FOXQ1: variants seen among roughly 807,000 people sequenced by gnomAD.
The protein encoded by FOXQ1 is forkhead box protein Q1.
A neutral mutation model predicts 0.6 loss-of-function variants in FOXQ1; 1 was observed. The ratio of observed to expected loss-of-function variants is 1.73; its 90% CI spans 0.61 to 8.20. The LOEUF (loss-of-function observed/expected upper bound fraction) is 8.20. Among genes scored for constraint, FOXQ1 ranks in the 30% most tolerant of loss-of-function variants. FOXQ1 has a pLI of 0.13. For synonymous variants in FOXQ1, 377 were observed against 294.4 expected, an observed-to-expected ratio of 1.28 and a Z score of -2.87; for missense variants, 734 against 595.6, an observed-to-expected ratio of 1.23 and a Z score of -2.42.
At position 1,312,992 on chromosome 6, in the gene FOXQ1, G is replaced by A; in HGVS notation, c.288G>A (p.Ala96=). 1 of 1,313,434 alleles carries A rather than the reference G, an allele frequency of 7.6e-7. No homozygotes were observed. Among genetic ancestry groups the A allele is most frequent in the African/African-American group, 1.5e-5 (1 of 65,272 alleles). The allele number at this position is 1,313,434 out of a possible 1,614,324, so 81.4% of individuals were successfully genotyped here. A position where few individuals can be genotyped will look rare whatever the true frequency, so the allele number is the denominator to read the frequency against. The change falls in exon 1 of 1, where the codon GCG becomes GCA. Residue 96 remains alanine (A), a synonymous_variant. Coordinates refer to ENST00000296839, the MANE Select transcript of FOXQ1 (RefSeq NM_033260.4). ...CGGAGGGCGCGGAGGCCGGGGCGGCGGGGCCAGGCGCGGGCGGCGCGGGGA... is the reference window on the plus strand; with the variant it reads ...CGGAGGGCGCGGAGGCCGGGGCGGCAGGGCCAGGCGCGGGCGGCGCGGGGA... ...VVAEGAEAGA[A]GPGAGGAGSG... is the part of the protein sequence containing the mutation.
In FOXQ1 at chr6:1,313,894, C is replaced by G. The variant is rs1261460495; in HGVS notation, c.1190C>G (p.Pro397Arg). 6.9e-6 allele frequency: 9 copies of G among 1,311,690 alleles called. No homozygotes were observed. Among genetic ancestry groups the G allele is most frequent in the Admixed American group, 3.8e-5 (1 of 26,292 alleles). The allele number at this position is 1,311,690 out of a possible 1,614,324, so 81.3% of individuals were successfully genotyped here. ...VRRPGPHLPY[P>R]VETLLA is the part of the protein sequence containing the mutation. Reference sequence around the variant, plus strand: ...CGCCCTGGCCCGCACCTGCCGTACCCGGTGGAGACGCTCCTAGCCTGAGTA... The same window carrying G: ...CGCCCTGGCCCGCACCTGCCGTACCGGGTGGAGACGCTCCTAGCCTGAGTA... The change falls in exon 1 of 1, where the codon CCG becomes CGG. Residue 397 changes from proline (P) to arginine (R), a missense_variant. Pro to Arg is a moderately radical substitution (Grantham distance 103). Coordinates refer to ENST00000296839, the MANE Select transcript of FOXQ1 (RefSeq NM_033260.4). This position sits in a 1 kb window ranked among gnomAD's most constrained non-coding sequence, Gnocchi z 5.2.
Position 1,313,493 on chromosome 6 carries a change from C to G in FOXQ1, c.789C>G (p.Pro263=), listed in dbSNP as rs921544561. The part of the protein sequence containing the change: ...SPARQEERAS[P]AGKFSSSFAI... ...CCCGCCAGGAGGAGCGCGCCAGCCC[C>G]GCGGGCAAGTTCTCCAGCTCCTTCG... The change falls in exon 1 of 1, where the codon CCC becomes CCG. Residue 263 remains proline (P), a synonymous_variant. Transcript: ENST00000296839. The surrounding 1 kb of genome is among the most constrained non-coding windows in gnomAD (Gnocchi z 5.2). The G allele has an allele frequency of 1.7e-6, 2 of 1,195,640 alleles. No homozygotes were observed. The highest frequency in any genetic ancestry group is 2.1e-6 in the Non-Finnish European group (2 of 945,860). 74.1% of individuals were successfully genotyped at this position (1,195,640 alleles called of 1,614,324 possible). A position where few individuals can be genotyped will look rare whatever the true frequency, so the allele number is the denominator to read the frequency against.
Position 1,312,937 on chromosome 6 carries a change from T to C in FOXQ1, c.233T>C (p.Ile78Thr), listed in dbSNP as rs1757573204. Residue 78 changes from isoleucine to threonine, a missense_variant, in exon 1 of 1, where the codon ATC becomes ACC. By Grantham distance (89) the Ile-to-Thr change is moderately conservative. Coordinates refer to ENST00000296839, the MANE Select transcript of FOXQ1 (RefSeq NM_033260.4). ...GGCGGGCCGGGCGCGGAGGAGGCGATCCCGGCAGCAGCTGCTGCAGCGGTG... is the reference window on the plus strand; with the variant it reads ...GGCGGGCCGGGCGCGGAGGAGGCGACCCCGGCAGCAGCTGCTGCAGCGGTG... ...AGGGPGAEEAIPAAAAAAVVA... is the reference protein window; with the variant it reads ...AGGGPGAEEATPAAAAAAVVA... 1 of 1,276,320 alleles carries C rather than the reference T, an allele frequency of 7.8e-7. No homozygotes were observed. Among genetic ancestry groups the C allele is most frequent in the South Asian group, 3.0e-5 (1 of 33,546 alleles). The allele number at this position is 1,276,320 out of a possible 1,614,324, so 79.1% of individuals were successfully genotyped here. A position where few individuals can be genotyped will look rare whatever the true frequency, so the allele number is the denominator to read the frequency against.
chr6:1,312,886 A>C lies in FOXQ1; in HGVS notation c.182A>C (p.Gln61Pro), dbSNP rs9502890. The C allele has an allele frequency of 0.95, 1,213,483 of 1,277,774 alleles. 578,975 individuals carry two copies. Among genetic ancestry groups the C allele is most frequent in the Non-Finnish European group, 0.97 (987,563 of 1,015,512 alleles). The allele number at this position is 1,277,774 out of a possible 1,614,324, so 79.2% of individuals were successfully genotyped here. A position where few individuals can be genotyped will look rare whatever the true frequency, so the allele number is the denominator to read the frequency against. ...GCGGGCGGCGGCGCCAGAGATACGC[A>C]GGGCGACGGCGAACAGAGTGCGGGA... Reference protein sequence around the residue: ...PAAGGGARDTQGDGEQSAGGG... With the variant: ...PAAGGGARDTPGDGEQSAGGG... Residue 61 changes from glutamine to proline, a missense_variant, in exon 1 of 1, where the codon CAG (glutamine) becomes CCG (proline). Gln to Pro is a moderately conservative substitution (Grantham distance 76). Transcript: ENST00000296839.
In FOXQ1 at chr6:1,313,547, C is replaced by T. The variant is rs750597991; in HGVS notation, c.843C>T (p.Phe281=). The T allele has an allele frequency of 1.2e-5, 15 of 1,266,506 alleles. No homozygotes were observed. The highest frequency in any genetic ancestry group is 2.2e-4 in the Middle Eastern group (1 of 4,478). 78.5% of individuals were successfully genotyped at this position (1,266,506 alleles called of 1,614,324 possible). Residue 281 remains phenylalanine (F), a synonymous_variant, in exon 1 of 1, where the codon TTC becomes TTT. Coordinates refer to ENST00000296839, the MANE Select transcript of FOXQ1 (RefSeq NM_033260.4). This position sits in a 1 kb window ranked among gnomAD's most constrained non-coding sequence, Gnocchi z 5.2. ...FAIDSILRKP[F]RSRRLRDTAP... is the part of the protein sequence containing the mutation. ...TCGACAGCATCCTGCGCAAGCCCTT[C>T]CGCAGCCGCCGCCTCAGGGACACGG...
In FOXQ1 at chr6:1,312,482, C is replaced by T. The variant is rs952019885; in HGVS notation, c.-223C>T. 3 of 627,160 alleles carry T rather than the reference C, an allele frequency of 4.8e-6. No individual in the cohort carries two copies. The highest frequency in any genetic ancestry group is 8.9e-5 in the Admixed American group (2 of 22,460). 38.8% of individuals were successfully genotyped at this position (627,160 alleles called of 1,614,324 possible). A position where few individuals can be genotyped will look rare whatever the true frequency, so the allele number is the denominator to read the frequency against. ...GGCGACACCCACCCAACTCCTCCCT[C>T]TCCGCCCCATAGTCCACCCAACACT... is the stretch of plus-strand genomic sequence containing the variant. On this transcript the variant is annotated 5_prime_UTR_variant, in exon 1 of 1. Coordinates refer to ENST00000296839, the MANE Select transcript of FOXQ1 (RefSeq NM_033260.4).
In FOXQ1 at chr6:1,312,680, C is replaced by G; in HGVS notation, c.-25C>G. The G allele has an allele frequency of 7.6e-7, 1 of 1,308,074 alleles. No individual in the cohort carries two copies. The highest frequency in any genetic ancestry group is 9.7e-7 in the Non-Finnish European group (1 of 1,031,804). 81.0% of individuals were successfully genotyped at this position (1,308,074 alleles called of 1,614,324 possible). ...CTGCGCGAAGGAAGAGGGTACGACG[C>G]CGGGGAGGGACTGGGTGCGCGGGCA... is the stretch of plus-strand genomic sequence containing the variant. On this transcript the variant is annotated 5_prime_UTR_variant, in exon 1 of 1. Transcript: ENST00000296839.
Position 1,312,724 on chromosome 6 carries a change from TC to T in FOXQ1, c.23del (p.Pro8LeufsTer133). 7.4e-7 allele frequency: 1 copy of T among 1,355,732 alleles called. No homozygotes were observed. Among genetic ancestry groups the T allele is most frequent in the Middle Eastern group, 1.9e-4 (1 of 5,152 alleles). The allele number at this position is 1,355,732 out of a possible 1,614,324, so 84.0% of individuals were successfully genotyped here. A position where few individuals can be genotyped will look rare whatever the true frequency, so the allele number is the denominator to read the frequency against. On this transcript the variant is annotated frameshift_variant, in exon 1 of 1. Transcript: ENST00000296839. LOFTEE classifies it low-confidence loss of function (END_TRUNC). ...GCGGGCATGAAGTTGGAGGTGTTCG[TC>T]CCTCGCGCGGCCCACGGGGACAAGC... MKLEVF[V>X]PRAAHGDKQG... is the part of the protein sequence containing the mutation.
In FOXQ1 at chr6:1,312,633, C is replaced by T. The variant is rs1019405107; in HGVS notation, c.-72C>T. On this transcript the variant is annotated 5_prime_UTR_variant, in exon 1 of 1. Coordinates refer to ENST00000296839, the MANE Select transcript of FOXQ1 (RefSeq NM_033260.4). ...CCCGGCCCCGGATCGCCATCCCCTT[C>T]CCTGGCACCAGCTTCTCTAGGCTGC... 7 of 1,275,906 alleles carry T rather than the reference C, an allele frequency of 5.5e-6. No homozygotes were observed. Among genetic ancestry groups the T allele is most frequent in the South Asian group, 2.6e-5 (1 of 38,166 alleles). 79.0% of individuals were successfully genotyped at this position (1,275,906 alleles called of 1,614,324 possible).
rs1208557077 is a variant in FOXQ1, at chr6:1,314,689, T to C, written c.*773T>C. 1 of 166,742 alleles carries C rather than the reference T, an allele frequency of 6.0e-6. No individual in the cohort carries two copies. Among genetic ancestry groups the C allele is most frequent in the Non-Finnish European group, 1.5e-5 (1 of 68,124 alleles). 10.3% of individuals were successfully genotyped at this position (166,742 alleles called of 1,614,324 possible). A position where few individuals can be genotyped will look rare whatever the true frequency, so the allele number is the denominator to read the frequency against. On this transcript the variant is annotated 3_prime_UTR_variant, in exon 1 of 1. Coordinates refer to ENST00000296839, the MANE Select transcript of FOXQ1 (RefSeq NM_033260.4). Reference sequence around the variant, plus strand: ...TTATTTGTGTCTGTGTACATATTCATGTATAAATTTTATGAAACCCAAGCA... The same window carrying C: ...TTATTTGTGTCTGTGTACATATTCACGTATAAATTTTATGAAACCCAAGCA...
rs1011602280 is a variant in FOXQ1 at position 1,312,169 on chromosome 6, G to A, written c.-536G>A. 1.3e-5 allele frequency among the ~76,000 whole-genome samples: 2 copies of A among 152,332 alleles called. No homozygotes were observed. The highest frequency in any genetic ancestry group is 3.9e-4 in the East Asian group (2 of 5,154). Reference sequence around the variant, plus strand: ...TGGGAGCGGGAAGGCGGCTGCGGGCGCAGCGGCCTCGGGGACTCGCCTCCG... The same window carrying A: ...TGGGAGCGGGAAGGCGGCTGCGGGCACAGCGGCCTCGGGGACTCGCCTCCG... On this transcript the variant is annotated 5_prime_UTR_variant, in exon 1 of 1. Coordinates refer to ENST00000296839, the MANE Select transcript of FOXQ1 (RefSeq NM_033260.4).
Position 1,312,108 on chromosome 6 carries a change from C to G in FOXQ1, c.-597C>G, listed in dbSNP as rs1177954105. On this transcript the variant is annotated 5_prime_UTR_variant, in exon 1 of 1. Transcript: ENST00000296839. ...CCCGAAGGTGGAGGCGAGACGCAGC[C>G]GCGGCAGGCCAGCGGGGAGATGCTG... Among the ~76,000 whole-genome samples, 1 of 152,200 alleles carries G rather than the reference C, an allele frequency of 6.6e-6. No homozygotes were observed. Among genetic ancestry groups the G allele is most frequent in the Non-Finnish European group, 1.5e-5 (1 of 68,030 alleles).
Position 1,313,854 on chromosome 6 carries a change from G to A in FOXQ1, c.1150G>A (p.Ala384Thr), listed in dbSNP as rs1273812673. 2 of 1,308,966 alleles carry A rather than the reference G, an allele frequency of 1.5e-6. No individual in the cohort carries two copies. The allele number at this position is 1,308,966 out of a possible 1,614,324, so 81.1% of individuals were successfully genotyped here. Residue 384 changes from alanine to threonine, a missense_variant, in exon 1 of 1, where the codon GCG (alanine) becomes ACG (threonine). By Grantham distance (58) the Ala-to-Thr change is moderately conservative (BLOSUM62 0). Coordinates refer to ENST00000296839, the MANE Select transcript of FOXQ1 (RefSeq NM_033260.4). The surrounding 1 kb of genome is among the most constrained non-coding windows in gnomAD (Gnocchi z 5.2). ...CPLRLPAALQ[A>T]ASVRRPGPHL... ...CCTGCGGCTGCCCGCAGCCCTGCAG[G>A]CGGCCTCAGTCCGCCGCCCTGGCCC...
rs1757573015 is a variant in FOXQ1 at position 1,312,929 on chromosome 6, G to A, written c.225G>A (p.Glu75=). 2 of 1,277,168 alleles carry A rather than the reference G, an allele frequency of 1.6e-6. No homozygotes were observed. Among genetic ancestry groups the A allele is most frequent in the Non-Finnish European group, 9.8e-7 (1 of 1,015,378 alleles). The allele number at this position is 1,277,168 out of a possible 1,614,324, so 79.1% of individuals were successfully genotyped here. ...EQSAGGGPGA[E]EAIPAAAAAA... The stretch of plus-strand genomic sequence containing the variant: ...GTGCGGGAGGCGGGCCGGGCGCGGA[G>A]GAGGCGATCCCGGCAGCAGCTGCTG... Residue 75 remains glutamate (E), a synonymous_variant, in exon 1 of 1, where the codon GAG becomes GAA. Coordinates refer to ENST00000296839, the MANE Select transcript of FOXQ1 (RefSeq NM_033260.4).
In FOXQ1 at chr6:1,312,391, G is replaced by A. The variant is rs1043035070; in HGVS notation, c.-314G>A. ...AAAGCCTTCTAAGCCCGGCGTGCTCGGGCACCCGAGGGTGGAACCGCGGCC... is the reference window on the plus strand; with the variant it reads ...AAAGCCTTCTAAGCCCGGCGTGCTCAGGCACCCGAGGGTGGAACCGCGGCC... On this transcript the variant is annotated 5_prime_UTR_variant, in exon 1 of 1. Transcript: ENST00000296839. 79 of 282,872 alleles carry A rather than the reference G, an allele frequency of 2.8e-4. No homozygotes were observed. Among genetic ancestry groups the A allele is most frequent in the African/African-American group, 1.6e-3 (75 of 45,876 alleles). 17.5% of individuals were successfully genotyped at this position (282,872 alleles called of 1,614,324 possible).
chr6:1,313,653 T>C lies in FOXQ1; in HGVS notation c.949T>C (p.Cys317Arg), dbSNP rs558306315. The C allele has an allele frequency of 8.8e-5, 92 of 1,049,716 alleles. No individual in the cohort carries two copies. The East Asian group carries it at 5.1e-3, about 58-fold the overall frequency. 65.0% of individuals were successfully genotyped at this position (1,049,716 alleles called of 1,614,324 possible). The change falls in exon 1 of 1, where the codon TGC becomes CGC. Residue 317 changes from cysteine (C) to arginine (R), a missense_variant. By Grantham distance (180) the Cys-to-Arg change is radical (BLOSUM62 -3). Coordinates refer to ENST00000296839, the MANE Select transcript of FOXQ1 (RefSeq NM_033260.4). The surrounding 1 kb of genome is among the most constrained non-coding windows in gnomAD (Gnocchi z 5.2). ...CCCCGCGCTCCTCCCCGCGGCGCCC[T>C]GCAGGGCCCTGCTGCCGCTCTGCGC... The part of the protein sequence containing the change: ...AFPALLPAAP[C>R]RALLPLCAYG...
At position 1,313,576 on chromosome 6, in the gene FOXQ1, C is replaced by A. The variant is rs748157733; in HGVS notation, c.872C>A (p.Pro291His). ...AGCCGCCGCCTCAGGGACACGGCCC[C>A]CGGGACGACGCTTCAGTGGGGCGCC... ...FRSRRLRDTA[P>H]GTTLQWGAAP... Residue 291 changes from proline to histidine, a missense_variant, in exon 1 of 1, where the codon CCC (proline) becomes CAC (histidine). By Grantham distance (77) the Pro-to-His change is moderately conservative (BLOSUM62 -2). Coordinates refer to ENST00000296839, the MANE Select transcript of FOXQ1 (RefSeq NM_033260.4). This position sits in a 1 kb window ranked among gnomAD's most constrained non-coding sequence, Gnocchi z 5.2. 2.0e-5 allele frequency: 24 copies of A among 1,214,382 alleles called. No homozygotes were observed. Among genetic ancestry groups the A allele is most frequent in the Non-Finnish European group, 2.3e-5 (22 of 961,054 alleles). The allele number at this position is 1,214,382 out of a possible 1,614,324, so 75.2% of individuals were successfully genotyped here. A position where few individuals can be genotyped will look rare whatever the true frequency, so the allele number is the denominator to read the frequency against.
Position 1,313,662 on chromosome 6 carries a change from C to T in FOXQ1, c.958C>T (p.Leu320=), listed in dbSNP as rs1452185985. Residue 320 remains leucine (L), a synonymous_variant, in exon 1 of 1, where the codon CTG becomes TTG. Transcript: ENST00000296839. This position sits in a 1 kb window ranked among gnomAD's most constrained non-coding sequence, Gnocchi z 5.2. ...ALLPAAPCRA[L]LPLCAYGAGE... ...CCTCCCCGCGGCGCCCTGCAGGGCC[C>T]TGCTGCCGCTCTGCGCGTACGGCGC... is the stretch of plus-strand genomic sequence containing the variant. The T allele has an allele frequency of 4.8e-6, 5 of 1,042,340 alleles. No homozygotes were observed. The highest frequency in any genetic ancestry group is 5.7e-6 in the Non-Finnish European group (5 of 870,592). The allele number at this position is 1,042,340 out of a possible 1,614,324, so 64.6% of individuals were successfully genotyped here. A position where few individuals can be genotyped will look rare whatever the true frequency, so the allele number is the denominator to read the frequency against.
Position 1,314,183 on chromosome 6 carries a change from A to C in FOXQ1, c.*267A>C, listed in dbSNP as rs530814468. 2 of 336,848 alleles carry C rather than the reference A, an allele frequency of 5.9e-6. No homozygotes were observed. Among genetic ancestry groups the C allele is most frequent in the East Asian group, 1.3e-4 (2 of 15,754 alleles). 20.9% of individuals were successfully genotyped at this position (336,848 alleles called of 1,614,324 possible). On this transcript the variant is annotated 3_prime_UTR_variant, in exon 1 of 1. Transcript: ENST00000296839. ...CCTGCTCCTCCTTCCCTTCATAAGG[A>C]CTTTTTTTGTCTTTCTTTAACGCCC... is the stretch of plus-strand genomic sequence containing the variant.
Sources: allele counts gnomAD v4.1 joint callset (sites outside exome capture counted in the v4.1 genomes callset), GRCh38; gene constraint gnomAD v4.1.1; non-coding constraint Gnocchi (gnomAD v3.1); transcripts MANE v1.5; gene names NCBI Gene and HGNC (gene_info 2026-07-23, HGNC 2026-07-21).